TNFRSF10B: variants seen among roughly 807,000 people sequenced by gnomAD.
TNFRSF10B encodes tumor necrosis factor receptor superfamily member 10B.
TNFRSF10B carries 35 observed loss-of-function variants against 41.4 expected under a neutral mutation model. The ratio of observed to expected loss-of-function variants is 0.85; its 90% CI spans 0.65 to 1.12. The LOEUF (loss-of-function observed/expected upper bound fraction) is 1.12. TNFRSF10B is among the 50% of genes most tolerant of loss of function. The probability of loss-of-function intolerance (pLI) is 0.00; values close to 1 mark genes in which losing one functional copy is unlikely to be tolerated. For missense variants in TNFRSF10B, 584 were observed against 552.7 expected (o/e 1.06, Z -0.57); for synonymous variants, 230 against 215.5 (o/e 1.07, Z -0.59).
intron 1 of TNFRSF10B, among the ~76,000 whole-genome samples, chr8:23,050,452 G>C (rs572799034): frequency 2.0e-5 from 3 of 152,300 alleles, no homozygotes; most frequent in African/African-American, 7.2e-5. Context: ...AAATGTGTAT[G>C]TGCATATGTG....
At chr8:23,036,952 C>G (rs889486040) in intron 2 of TNFRSF10B, among the ~76,000 whole-genome samples, 4 of 152,108 alleles carry the variant, frequency 2.6e-5, no homozygotes, top group Admixed American at 2.6e-4. Flanking sequence ...GATTCATGAG[C>G]TGTGGTCAAT....
chr8:23,027,582 A>T, intron 6 of TNFRSF10B, 140 bp downstream of exon 6: 2 of 1,175,072 alleles, frequency 1.7e-6, no homozygotes, highest in South Asian at 2.7e-5. Flanking sequence ...TGTCCCCCAC[A>T]GTCAGCCCAG....
intron 1 of TNFRSF10B, among the ~76,000 whole-genome samples, chr8:23,055,280 T>C (rs934262785): frequency 1.3e-5 from 2 of 151,910 alleles, no homozygotes; most frequent in African/African-American, 2.4e-5. Flanking sequence ...CAAATCAACC[T>C]CCTCCACTCC....
rs1444006103 is a variant in TNFRSF10B, at chr8:23,030,759, C to T, written c.364G>A (p.Gly122Ser). 1.9e-6 allele frequency: 3 copies of T among 1,610,744 alleles called. No homozygotes were observed. In the East Asian group the frequency reaches 6.7e-5, roughly 36 times the overall value. ...FCLRCTRCDS[G>S]EVELSPCTTT... is the part of the protein sequence containing the mutation. Reference sequence around the variant, plus strand: ...GGCATGGGGTCCATATGTTCTGTACCTGAATCACACCTGGTGCAGCGCAAG... The same window carrying T: ...GGCATGGGGTCCATATGTTCTGTACTTGAATCACACCTGGTGCAGCGCAAG... The change falls in exon 3 of 9, where the codon GGT (glycine) becomes AGT (serine). Residue 122 changes from glycine to serine, a missense_variant and splice_region_variant. Coordinates refer to ENST00000276431, the MANE Select transcript of TNFRSF10B (RefSeq NM_003842.5).
intron 4 of TNFRSF10B, 115 bp downstream of exon 4, chr8:23,029,495 C>T: frequency 9.7e-7 from 1 of 1,031,842 alleles, no homozygotes; most frequent in Non-Finnish European, 1.5e-6. Context: ...GAGGGGCAGC[C>T]ACAGCCTCAA....
At chr8:23,040,861 A>T (rs1456403036) in intron 2 of TNFRSF10B, among the ~76,000 whole-genome samples, 1 of 152,158 alleles carries the variant, frequency 6.6e-6, no homozygotes, top group East Asian at 1.9e-4. Context: ...TATCATACAT[A>T]ATCATAGTGA....
chr8:23,065,618 G>T (rs1202034499), intron 1 of TNFRSF10B, among the ~76,000 whole-genome samples: 2 of 152,176 alleles, frequency 1.3e-5, no homozygotes, highest in Non-Finnish European at 2.9e-5. Context: ...AACTTTAGTA[G>T]TTAACTAAAT....
At chr8:23,051,462 T>G (rs1387278613) in intron 1 of TNFRSF10B, among the ~76,000 whole-genome samples, 1 of 152,206 alleles carries the variant, frequency 6.6e-6, no homozygotes, top group East Asian at 1.9e-4. Context: ...CAGAATAATC[T>G]TTGCATGTGT....
At chr8:23,029,228 A>G (rs1319370177) in intron 4 of TNFRSF10B, among the ~76,000 whole-genome samples, 2 of 152,212 alleles carry the variant, frequency 1.3e-5, no homozygotes, top group Non-Finnish European at 2.9e-5. Flanking sequence ...GGGCCCCTGC[A>G]TGCATAAAAA....
At chr8:23,029,890 A>T (rs993827243) in intron 3 of TNFRSF10B, among the ~76,000 whole-genome samples, 169 bp from the exon 4 acceptor site, 1 of 152,176 alleles carries the variant, frequency 6.6e-6, no homozygotes, top group Non-Finnish European at 1.5e-5. Context: ...CCCACCCTTC[A>T]GCTGTCACTA....
intron 2 of TNFRSF10B, among the ~76,000 whole-genome samples, chr8:23,034,114 A>G (rs1811963442): frequency 6.6e-6 from 1 of 152,232 alleles, no homozygotes; most frequent in South Asian, 2.1e-4. Context: ...TGGGCACACA[A>G]TGTACAAGGA....
At chr8:23,037,100 A>G (rs990831872) in intron 2 of TNFRSF10B, among the ~76,000 whole-genome samples, 3 of 152,220 alleles carry the variant, frequency 2.0e-5, no homozygotes, top group Non-Finnish European at 2.9e-5. Flanking sequence ...AAATATCTTC[A>G]CAAAAAGTGA....
At chr8:23,047,661 C>G (rs1051850724) in intron 1 of TNFRSF10B, among the ~76,000 whole-genome samples, 1 of 151,366 alleles carries the variant, frequency 6.6e-6, no homozygotes. Flanking sequence ...GAGATATCAT[C>G]TCATACCTAT....
chr8:23,028,422 T>G lies in TNFRSF10B; in HGVS notation c.657A>C (p.Thr219=), dbSNP rs141760693. The change falls in exon 5 of 9, where the codon ACA becomes ACC. Residue 219 remains threonine, a synonymous_variant. Coordinates refer to ENST00000276431, the MANE Select transcript of TNFRSF10B (RefSeq NM_003842.5). ...CCACAATCAAGACTACGGCTGCAAC[T>G]GTGACTCCTATGATGATGCCTGAGA... ...CSLSGIIIGV[T]VAAVVLIVAV... is the part of the protein sequence containing the mutation. 17 of 1,614,178 alleles carry G rather than the reference T, an allele frequency of 1.1e-5. No individual in the cohort carries two copies. The highest frequency in any genetic ancestry group is 1.4e-5 in the Non-Finnish European group (17 of 1,180,008).
intron 4 of TNFRSF10B, 30 bp from the exon 5 acceptor site, chr8:23,028,632 A>AC (rs780185517): frequency 8.7e-6 from 14 of 1,613,080 alleles, no homozygotes; most frequent in Non-Finnish European, 1.1e-5. Context: ...GAGAGGGGGG[A>AC]CTCTTGATGG....
At chr8:23,042,701 C>G (rs371549752) in intron 2 of TNFRSF10B, among the ~76,000 whole-genome samples, 5 of 152,314 alleles carry the variant, frequency 3.3e-5, no homozygotes, top group African/African-American at 1.2e-4. Flanking sequence ...TCTGACCCCA[C>G]GTGTCTCTCT....
chr8:23,043,305 A>G (rs1249394838), intron 1 of TNFRSF10B, 62 bp from the exon 2 acceptor site: 1 of 1,378,152 alleles, frequency 7.3e-7, no homozygotes, highest in South Asian at 1.2e-5. Flanking sequence ...CCCAGGATCC[A>G]CTCACATTCT....
intron 1 of TNFRSF10B, among the ~76,000 whole-genome samples, chr8:23,053,807 T>C (rs1812587650): frequency 1.3e-5 from 2 of 152,258 alleles, no homozygotes; most frequent in South Asian, 2.1e-4. Flanking sequence ...TGATATAAAA[T>C]TATACAGGAA....
chr8:23,047,410 A>G (rs1230249036), intron 1 of TNFRSF10B, among the ~76,000 whole-genome samples: 1 of 152,136 alleles, frequency 6.6e-6, no homozygotes, highest in Non-Finnish European at 1.5e-5. Flanking sequence ...AGAGTGAAGC[A>G]ATAAGCTACA....
Sources: allele counts gnomAD v4.1 joint callset (sites outside exome capture counted in the v4.1 genomes callset), GRCh38; gene constraint gnomAD v4.1.1; transcripts MANE v1.5; gene names NCBI Gene and HGNC (gene_info 2026-07-23, HGNC 2026-07-21).